The following PTPRQ variants were observed in gnomAD, a reference collection of about 807,000 sequenced individuals.
PTPRQ encodes the protein phosphatidylinositol phosphatase PTPRQ.
In PTPRQ, 199 loss-of-function variants were observed where a neutral mutation model predicts 246.0. The observed-to-expected ratio is 0.81, with a 90% CI of 0.72 to 0.91. The LOEUF (loss-of-function observed/expected upper bound fraction) is 0.91. PTPRQ is among the 40% of genes least tolerant of loss of function. The pLI is 0.00. For synonymous variants in PTPRQ, 869 were observed against 853.2 expected (o/e 1.02, Z -0.32); for missense variants, 2,624 against 2,528.4 (o/e 1.04, Z -0.81).
chr12:80,550,496 C>T (rs1460713115), intron 25 of PTPRQ, among the ~76,000 whole-genome samples: 2 of 152,126 alleles, frequency 1.3e-5, no homozygotes, highest in Non-Finnish European at 2.9e-5. Context: ...AACTCCACAT[C>T]CTTTCCTTCT....
chr12:80,645,457 T>C (rs1206682499), intron 35 of PTPRQ, among the ~76,000 whole-genome samples: 1 of 151,978 alleles, frequency 6.6e-6, no homozygotes, highest in Non-Finnish European at 1.5e-5. Flanking sequence ...TTGCTTTCTG[T>C]GTATCTTAAT....
At chr12:80,534,274 C>G (rs948747319) in intron 18 of PTPRQ, 99 bp downstream of exon 18, 10 of 1,199,506 alleles carry the variant, frequency 8.3e-6, no homozygotes, top group African/African-American at 1.6e-5. Context: ...TATGATGAAG[C>G]CTAATATTCA....
chr12:80,471,938 G>A (rs1198875449), intron 7 of PTPRQ, among the ~76,000 whole-genome samples, 167 bp from the exon 8 acceptor site: 2 of 152,014 alleles, frequency 1.3e-5, no homozygotes, highest in Non-Finnish European at 2.9e-5. Context: ...TGATATCAGT[G>A]CACTACTAAG....
At chr12:80,605,234 A>G (rs941893607) in intron 27 of PTPRQ, 54 bp downstream of exon 27, 13 of 1,518,802 alleles carry the variant, frequency 8.6e-6, no homozygotes, top group Non-Finnish European at 1.1e-5. Flanking sequence ...TAATAATACA[A>G]GATTTGGAAC....
chr12:80,637,611 CAATT>C (rs1264843659), intron 35 of PTPRQ, among the ~76,000 whole-genome samples: 2 of 152,154 alleles, frequency 1.3e-5, no homozygotes, highest in East Asian at 1.9e-4. Flanking sequence ...ATTAAAATAA[CAATT>C]AAGTGATTTG....
At chr12:80,594,892 G>A (rs1222579031) in intron 26 of PTPRQ, among the ~76,000 whole-genome samples, 1 of 152,020 alleles carries the variant, frequency 6.6e-6, no homozygotes, top group African/African-American at 2.4e-5. Flanking sequence ...CCTGAACTCA[G>A]CATTTCAATA....
intron 35 of PTPRQ, among the ~76,000 whole-genome samples, chr12:80,640,270 CT>C (rs1419555853): frequency 6.6e-6 from 1 of 152,030 alleles, no homozygotes; most frequent in East Asian, 1.9e-4. Context: ...AACTGGAAAA[CT>C]TTTAGTAGTG....
In PTPRQ at chr12:80,460,822, C is replaced by T; in HGVS notation, c.830C>T (p.Thr277Ile). ...SFVVTHLRPY[T>I]TYLFEVSAAT... The stretch of plus-strand genomic sequence containing the variant: ...GTAGTGACACACTTGAGACCTTATA[C>T]AACATATCTTTTTGAAGTTTCAGCT... The change falls in exon 6 of 45, where the codon ACA becomes ATA. Residue 277 changes from threonine to isoleucine, a missense_variant. Thr to Ile is a moderately conservative substitution (Grantham distance 89). Coordinates refer to ENST00000644991, the MANE Select transcript of PTPRQ (RefSeq NM_001145026.2). The T allele has an allele frequency of 5.0e-6, 2 of 400,668 alleles. No homozygotes were observed. Among genetic ancestry groups the T allele is most frequent in the South Asian group, 1.3e-4 (1 of 7,946 alleles). 24.8% of individuals were successfully genotyped at this position (400,668 alleles called of 1,614,324 possible). A position where few individuals can be genotyped will look rare whatever the true frequency, so the allele number is the denominator to read the frequency against.
In PTPRQ at chr12:80,460,820, T is replaced by C; in HGVS notation, c.828T>C (p.Tyr276=). 1 of 400,736 alleles carries C rather than the reference T, an allele frequency of 2.5e-6. No homozygotes were observed. The highest frequency in any genetic ancestry group is 4.4e-6 in the Non-Finnish European group (1 of 226,226). 24.8% of individuals were successfully genotyped at this position (400,736 alleles called of 1,614,324 possible). A position where few individuals can be genotyped will look rare whatever the true frequency, so the allele number is the denominator to read the frequency against. Residue 276 remains tyrosine, a synonymous_variant, in exon 6 of 45, where the codon TAT becomes TAC. Transcript: ENST00000644991. ...TTGTAGTGACACACTTGAGACCTTATACAACATATCTTTTTGAAGTTTCAG... is the reference window on the plus strand; with the variant it reads ...TTGTAGTGACACACTTGAGACCTTACACAACATATCTTTTTGAAGTTTCAG... The part of the protein sequence containing the change: ...ISFVVTHLRP[Y]TTYLFEVSAA...
At chr12:80,445,353 A>T in intron 2 of PTPRQ, 138 bp from the exon 3 acceptor site, 2 of 553,174 alleles carry the variant, frequency 3.6e-6, no homozygotes, top group Non-Finnish European at 6.2e-6. Flanking sequence ...TTTAATAGTA[A>T]CAGAGCTGTA....
At chr12:80,508,199 C>A (rs1895022239) in intron 16 of PTPRQ, among the ~76,000 whole-genome samples, 1 of 151,914 alleles carries the variant, frequency 6.6e-6, no homozygotes, top group Non-Finnish European at 1.5e-5. Flanking sequence ...GAACAAGACT[C>A]CCTTGTTGAA....
intron 25 of PTPRQ, among the ~76,000 whole-genome samples, chr12:80,565,536 A>C (rs1395326242): frequency 1.3e-5 from 2 of 152,192 alleles, no homozygotes; most frequent in Non-Finnish European, 2.9e-5. Flanking sequence ...TAAGTAAATT[A>C]AGCATGTGTG....
At chr12:80,582,000 C>T (rs1016867301) in intron 25 of PTPRQ, among the ~76,000 whole-genome samples, 6 of 152,094 alleles carry the variant, frequency 3.9e-5, no homozygotes, top group African/African-American at 1.4e-4. Context: ...CAATGTCTAC[C>T]AATGCTACAA....
intron 3 of PTPRQ, among the ~76,000 whole-genome samples, chr12:80,452,872 T>C (rs183468465): frequency 2.9e-4 from 44 of 152,278 alleles, no homozygotes; most frequent in Admixed American, 1.6e-3. Context: ...AGGAGTATCT[T>C]TGTAGCGTTC....
In PTPRQ at chr12:80,507,208, T is replaced by A. The variant is rs540755545; in HGVS notation, c.2557+538T>A. Among the ~76,000 whole-genome samples, 9 of 134,480 alleles carry A rather than the reference T, an allele frequency of 6.7e-5. 1 individual carries two copies. Among genetic ancestry groups the A allele is most frequent in the Admixed American group, 3.7e-4 (5 of 13,390 alleles). 88.2% of individuals were successfully genotyped at this position (134,480 alleles called of 152,430 possible). A position where few individuals can be genotyped will look rare whatever the true frequency, so the allele number is the denominator to read the frequency against. On this transcript the variant is annotated intron_variant, in intron 16 of 44. Coordinates refer to ENST00000644991, the MANE Select transcript of PTPRQ (RefSeq NM_001145026.2). Reference sequence around the variant, plus strand: ...TAAACATACCTTTCCCTAACCCAAATAAAGTCAACTTTACTACTGAGGCCA... The same window carrying A: ...TAAACATACCTTTCCCTAACCCAAAAAAAGTCAACTTTACTACTGAGGCCA...
At chr12:80,599,060 A>G (rs1192432410) in intron 26 of PTPRQ, among the ~76,000 whole-genome samples, 2 of 151,928 alleles carry the variant, frequency 1.3e-5, no homozygotes, top group Non-Finnish European at 2.9e-5. Context: ...AAATTTTTAT[A>G]TGGACTAGGC....
chr12:80,570,065 T>A (rs1565792395), intron 25 of PTPRQ, among the ~76,000 whole-genome samples: 1 of 152,234 alleles, frequency 6.6e-6, no homozygotes, highest in Admixed American at 6.5e-5. Context: ...GTCTTTATAG[T>A]AGAGTGATTT....
intron 37 of PTPRQ, among the ~76,000 whole-genome samples, chr12:80,651,278 T>C (rs962776401): frequency 2.0e-5 from 3 of 152,106 alleles, no homozygotes; most frequent in African/African-American, 7.2e-5. Flanking sequence ...CATATTATGG[T>C]AAGAACTGCA....
At position 80,626,594 on chromosome 12, in the gene PTPRQ, T is replaced by C. The variant is rs114654974; in HGVS notation, c.5686+4460T>C. Reference sequence around the variant, plus strand: ...TAAGAAGTTTGAAGCATTGTGTTTTTTACTAACTTGACCAAGCTTTTTAAC... The same window carrying C: ...TAAGAAGTTTGAAGCATTGTGTTTTCTACTAACTTGACCAAGCTTTTTAAC... On this transcript the variant is annotated intron_variant, in intron 33 of 44. Coordinates refer to ENST00000644991, the MANE Select transcript of PTPRQ (RefSeq NM_001145026.2). Among the ~76,000 whole-genome samples, 904 of 152,262 alleles carry C rather than the reference T, an allele frequency of 5.9e-3. 10 individuals are homozygous for C. The highest frequency in any genetic ancestry group is 0.02 in the African/African-American group (849 of 41,546).
Sources: gnomAD v4.1 joint callset for allele counts (sites outside exome capture counted in the v4.1 genomes callset) on GRCh38, gnomAD v4.1.1 for gene constraint, MANE v1.5 for transcripts, NCBI Gene and HGNC (gene_info 2026-07-23, HGNC 2026-07-21) for gene names.